MTTP: variants seen among roughly 807,000 people sequenced by gnomAD.
MTTP encodes microsomal triglyceride transfer protein.
A neutral mutation model predicts 90.6 loss-of-function variants in MTTP; 49 were observed. The ratio of observed to expected loss-of-function variants is 0.54; its 90% CI spans 0.43 to 0.69. The LOEUF (loss-of-function observed/expected upper bound fraction) is 0.69. MTTP is among the 30% of genes least tolerant of loss of function. The pLI, the probability that MTTP is intolerant of heterozygous loss-of-function variation, is 0.00. For synonymous variants in MTTP, 347 were observed against 384.2 expected, an observed-to-expected ratio of 0.90 and a Z score of 1.13; for missense variants, 945 against 1,067.5, an observed-to-expected ratio of 0.89 and a Z score of 1.60.
chr4:99,605,588 G>A (rs981269729), intron 10 of MTTP, among the ~76,000 whole-genome samples: 6 of 152,136 alleles, frequency 3.9e-5, no homozygotes, highest in African/African-American at 1.4e-4. Context: ...CAGGGATAGA[G>A]TTGCTGGTCA....
intron 17 of MTTP, 120 bp downstream of exon 17, chr4:99,621,351 G>T (rs1726227235): frequency 2.3e-6 from 3 of 1,309,130 alleles, no homozygotes; most frequent in Non-Finnish European, 3.3e-6. Flanking sequence ...AGGGAAAGAT[G>T]AATTTTCTTT....
chr4:99,586,305 A>T (rs1725258418), intron 3 of MTTP, among the ~76,000 whole-genome samples: 1 of 152,164 alleles, frequency 6.6e-6, no homozygotes, highest in South Asian at 2.1e-4. Context: ...GATTACGTTG[A>T]TTAATGCTGA....
rs1444913736 is a variant in MTTP, at chr4:99,591,702, G to A, written c.670G>A (p.Asp224Asn). 6.2e-7 allele frequency: 1 copy of A among 1,612,554 alleles called. No individual in the cohort carries two copies. Among genetic ancestry groups the A allele is most frequent in the African/African-American group, 1.3e-5 (1 of 74,868 alleles). ...ATCTGTCACCACCTATAAGATAGAA[G>A]ACAGCTTTGTTATAGCTGTGCTTGC... is the stretch of plus-strand genomic sequence containing the variant. Reference protein sequence around the residue: ...ATSVTTYKIEDSFVIAVLAEE... With the variant: ...ATSVTTYKIENSFVIAVLAEE... Residue 224 changes from aspartate to asparagine, a missense_variant, in exon 6 of 18, where the codon GAC becomes AAC. Asp to Asn is a conservative substitution (Grantham distance 23). Transcript: ENST00000265517.
At chr4:99,581,240 T>C (rs1725103299) in intron 1 of MTTP, among the ~76,000 whole-genome samples, 4 of 152,224 alleles carry the variant, frequency 2.6e-5, no homozygotes. Context: ...AGTACAGATT[T>C]GTATACTATT....
At chr4:99,564,293 GA>G (rs1724602562) in intron 1 of MTTP, 1 of 1,480,654 alleles carries the variant, frequency 6.8e-7, no homozygotes, top group Non-Finnish European at 9.0e-7. Flanking sequence ...GCAAAACAAC[GA>G]AGAAAGGCTC....
At chr4:99,566,966 A>G (rs1259806077) in intron 1 of MTTP, among the ~76,000 whole-genome samples, 1 of 152,226 alleles carries the variant, frequency 6.6e-6, no homozygotes, top group Admixed American at 6.5e-5. Context: ...GAGATGTGGA[A>G]ATAGAGTAAC....
At position 99,591,361 on chromosome 4, in the gene MTTP, A is replaced by T. The variant is rs1578241081; in HGVS notation, c.618+10A>T. The T allele has an allele frequency of 6.4e-7, 1 of 1,558,614 alleles. No homozygotes were observed. The highest frequency in any genetic ancestry group is 8.9e-7 in the Non-Finnish European group (1 of 1,129,600). On this transcript the variant is annotated intron_variant, in intron 5 of 17. Coordinates refer to ENST00000265517, the MANE Select transcript of MTTP (RefSeq NM_001386140.1). ...TACGACCCCAAATCAGGTATGATAG[A>T]TGTCACTTTCTTTGAGGCATTAAAA...
At chr4:99,585,615 A>G (rs545481778) in intron 3 of MTTP, among the ~76,000 whole-genome samples, 1 of 152,148 alleles carries the variant, frequency 6.6e-6, no homozygotes, top group Non-Finnish European at 1.5e-5. Flanking sequence ...ATTTGCATTT[A>G]TAATCTTACT....
intron 1 of MTTP, among the ~76,000 whole-genome samples, chr4:99,579,795 T>C (rs1204296267): frequency 1.3e-5 from 2 of 151,956 alleles, no homozygotes; most frequent in Non-Finnish European, 2.9e-5. Flanking sequence ...CCCAGCACTT[T>C]GGGAGGGTGA....
At chr4:99,597,301 C>T (rs766007731) in intron 8 of MTTP, 77 bp downstream of exon 8, 1 of 1,549,692 alleles carries the variant, frequency 6.5e-7, no homozygotes, top group Non-Finnish European at 8.8e-7. Flanking sequence ...GTAAGAAAGA[C>T]CCCTTTTAAA....
At position 99,591,686 on chromosome 4, in the gene MTTP, C is replaced by G. The variant is rs757629974; in HGVS notation, c.654C>G (p.Thr218=). 1 of 1,612,730 alleles carries G rather than the reference C, an allele frequency of 6.2e-7. No homozygotes were observed. ...LGVSSKATSV[T]TYKIEDSFVI... is the part of the protein sequence containing the mutation. ...TCAGTTCAAAAGCTACATCTGTCAC[C>G]ACCTATAAGATAGAAGACAGCTTTG... is the stretch of plus-strand genomic sequence containing the variant. The change falls in exon 6 of 18, where the codon ACC becomes ACG. Residue 218 remains threonine, a synonymous_variant. Transcript: ENST00000265517.
At chr4:99,601,815 C>G (rs1324013945) in intron 10 of MTTP, 101 bp downstream of exon 10, 1 of 886,052 alleles carries the variant, frequency 1.1e-6, no homozygotes. Flanking sequence ...TCTCTTTACT[C>G]TATTCTACTT....
chr4:99,567,397 A>G (rs936395393), intron 1 of MTTP, among the ~76,000 whole-genome samples: 10 of 152,204 alleles, frequency 6.6e-5, no homozygotes, highest in Non-Finnish European at 1.3e-4. Context: ...TAATATCAGC[A>G]ACTGTGTAGG....
Position 99,600,558 on chromosome 4 carries a change from T to A in MTTP, c.1068-7T>A. The A allele has an allele frequency of 6.2e-7, 1 of 1,613,300 alleles. No individual in the cohort carries two copies. Among genetic ancestry groups the A allele is most frequent in the Non-Finnish European group, 8.5e-7 (1 of 1,179,342 alleles). ...ATTGATATCCATGATTATGCCTTTT[T>A]TTATAGACCTCAGCTGGTGGATGCT... On this transcript the variant is annotated splice_region_variant and splice_polypyrimidine_tract_variant and intron_variant, in intron 8 of 17. Coordinates refer to ENST00000265517, the MANE Select transcript of MTTP (RefSeq NM_001386140.1).
intron 1 of MTTP, among the ~76,000 whole-genome samples, chr4:99,566,298 A>G (rs868862324): frequency 7.0e-5 from 4 of 57,434 alleles, no homozygotes; most frequent in South Asian, 5.6e-4. Flanking sequence ...CAAAAAAAAG[A>G]AAAAAAAAAA....
At chr4:99,607,007 A>G (rs985036854) in intron 11 of MTTP, 47 bp downstream of exon 11, 1 of 1,530,552 alleles carries the variant, frequency 6.5e-7, no homozygotes, top group African/African-American at 1.4e-5. Context: ...GAAAAAAAAA[A>G]AGCATGCTGA....
chr4:99,573,579 C>T (rs902116821), upstream of MTTP, among the ~76,000 whole-genome samples: 4 of 151,970 alleles, frequency 2.6e-5, no homozygotes, highest in Non-Finnish European at 5.9e-5. Context: ...TTTCATGTTT[C>T]GATCTTCATA....
At chr4:99,570,022 G>GTT (rs1170656691), upstream of MTTP, among the ~76,000 whole-genome samples, 1 of 147,352 alleles carries the variant, frequency 6.8e-6, no homozygotes, top group Non-Finnish European at 1.5e-5. Flanking sequence ...CATTTTTAAT[G>GTT]TTTTTTTTTT....
chr4:99,609,083 T>TAACCC, intron 12 of MTTP, 106 bp downstream of exon 12: 4 of 1,157,690 alleles, frequency 3.5e-6, no homozygotes, highest in Non-Finnish European at 5.1e-6. Flanking sequence ...CAGGGTTACG[T>TAACCC]TGCATAAAAC....
Sources: gnomAD v4.1 joint callset for allele counts (sites outside exome capture counted in the v4.1 genomes callset) on GRCh38, gnomAD v4.1.1 for gene constraint, MANE v1.5 for transcripts, NCBI Gene and HGNC (gene_info 2026-07-23, HGNC 2026-07-21) for gene names.